The following SYT15B variants were observed in gnomAD, a reference collection of about 807,000 sequenced individuals.
SYT15B encodes synaptotagmin 15B.
the SYT15B span, among the ~76,000 whole-genome samples, chr10:47,762,437 A>AC: frequency 1.2e-4 from 15 of 120,788 alleles, no homozygotes; most frequent in African/African-American, 4.4e-4. Context: ...AGAAGGCCGG[A>AC]CCCCCCACAC....
chr10:47,749,126 C>T, the SYT15B span, among the ~76,000 whole-genome samples: 485 of 83,134 alleles, frequency 5.8e-3, no homozygotes, highest in Admixed American at 0.011. Flanking sequence ...TCCCGCTACT[C>T]GGGAGGCTGA....
chr10:47,748,670 G>C, the SYT15B span, among the ~76,000 whole-genome samples: 2 of 150,286 alleles, frequency 1.3e-5, no homozygotes, highest in African/African-American at 2.4e-5. Flanking sequence ...GTTTTCTTTT[G>C]TAGAGGGGGG....
the SYT15B span, among the ~76,000 whole-genome samples, chr10:47,755,190 C>T: frequency 1.3e-5 from 2 of 151,568 alleles, no homozygotes; most frequent in African/African-American, 4.9e-5. Context: ...CTCTTGATGT[C>T]GTAATCCACC....
the SYT15B span, among the ~76,000 whole-genome samples, chr10:47,762,359 C>T: frequency 3.5e-5 from 5 of 141,846 alleles, no homozygotes; most frequent in African/African-American, 1.0e-4. Context: ...CAAAAAGGTG[C>T]CTCCCTTAGG....
At chr10:47,756,403 G>A in the SYT15B span, among the ~76,000 whole-genome samples, 10 of 124,318 alleles carry the variant, frequency 8.0e-5, no homozygotes, top group South Asian at 3.2e-4. Context: ...ACTGCCCTGC[G>A]GCCCAGGCGG....
chr10:47,751,147 G>T, the SYT15B span: 2 of 151,920 alleles, frequency 1.3e-5, no homozygotes, highest in African/African-American at 4.8e-5. Context: ...CCACCCCTGA[G>T]ATTGAGGATG....
chr10:47,762,122 C>A, the SYT15B span, among the ~76,000 whole-genome samples: 1 of 142,872 alleles, frequency 7.0e-6, no homozygotes, highest in African/African-American at 2.6e-5. Flanking sequence ...CTGGAACCTG[C>A]TGCAAGGCTG....
the SYT15B span, among the ~76,000 whole-genome samples, chr10:47,746,100 TC>T: frequency 8.6e-6 from 1 of 116,006 alleles, no homozygotes; most frequent in Non-Finnish European, 1.8e-5. Context: ...ACACCTGTAA[TC>T]CCAGCACTTT....
At chr10:47,748,508 C>T in the SYT15B span, among the ~76,000 whole-genome samples, 18 of 152,020 alleles carry the variant, frequency 1.2e-4, 1 homozygote, top group Non-Finnish European at 1.6e-4. Flanking sequence ...CCACCGCACC[C>T]GACCCAGGCA....
At chr10:47,755,554 CCT>C in the SYT15B span, among the ~76,000 whole-genome samples, 18 of 104,104 alleles carry the variant, frequency 1.7e-4, no homozygotes, top group African/African-American at 6.3e-4. Flanking sequence ...CGTGCCCGGC[CCT>C]TTTTTTTTTT....
chr10:47,755,477 G>A, the SYT15B span, among the ~76,000 whole-genome samples: 3 of 150,716 alleles, frequency 2.0e-5, no homozygotes, highest in Non-Finnish European at 2.9e-5. Flanking sequence ...GGATGGTCTC[G>A]ATCTCCTGAC....
chr10:47,761,094 A>ACACACACG, the SYT15B span, among the ~76,000 whole-genome samples: 2 of 71,078 alleles, frequency 2.8e-5, no homozygotes, highest in Admixed American at 2.0e-4. Context: ...CAACACACAC[A>ACACACACG]CACACACGCA....
chr10:47,748,588 G>A, the SYT15B span, among the ~76,000 whole-genome samples: 1 of 152,198 alleles, frequency 6.6e-6, no homozygotes, highest in African/African-American at 2.4e-5. Context: ...GCAGGTAGGA[G>A]GGACACATTT....
the SYT15B span, among the ~76,000 whole-genome samples, chr10:47,745,658 G>A: frequency 7.5e-5 from 10 of 132,820 alleles, no homozygotes; most frequent in South Asian, 2.5e-4. Flanking sequence ...GCAGTAGGGG[G>A]GTTCCTCCTT....
chr10:47,753,067 C>T, the SYT15B span: 1 of 674,972 alleles, frequency 1.5e-6, no homozygotes, highest in Non-Finnish European at 1.8e-6. Flanking sequence ...GAGATCACGC[C>T]ATTGCACTCC....
At chr10:47,748,509 G>A in the SYT15B span, among the ~76,000 whole-genome samples, 4 of 152,060 alleles carry the variant, frequency 2.6e-5, no homozygotes, top group African/African-American at 4.8e-5. Flanking sequence ...CACCGCACCC[G>A]ACCCAGGCAC....
the SYT15B span, among the ~76,000 whole-genome samples, chr10:47,749,667 A>G: frequency 2.7e-5 from 4 of 149,034 alleles, no homozygotes; most frequent in South Asian, 8.7e-4. Flanking sequence ...AGTAAAACCA[A>G]TGGTAGGGGG....
chr10:47,747,807 A>G, the SYT15B span, among the ~76,000 whole-genome samples: 1 of 151,952 alleles, frequency 6.6e-6, no homozygotes, highest in South Asian at 2.1e-4. Flanking sequence ...TGGGTGGAAT[A>G]GAGACTTTCA....
chr10:47,748,004 A>C, the SYT15B span, among the ~76,000 whole-genome samples: 2 of 152,304 alleles, frequency 1.3e-5, no homozygotes, highest in Admixed American at 6.5e-5. Context: ...AGAGTATGGA[A>C]AATACAGCAA....
Sources: allele counts gnomAD v4.1 joint callset (sites outside exome capture counted in the v4.1 genomes callset), GRCh38; gene constraint gnomAD v4.1.1; transcripts MANE v1.5; gene names NCBI Gene and HGNC (gene_info 2026-07-23, HGNC 2026-07-21).